The following UBE2D3 variants were observed in gnomAD, a reference collection of about 807,000 sequenced individuals.
The protein encoded by UBE2D3 is ubiquitin-conjugating enzyme E2 D3.
Under a neutral mutation model 22.8 loss-of-function variants are expected in UBE2D3, and 2 were observed. The ratio of observed to expected loss-of-function variants is 0.09; its 90% CI spans 0.04 to 0.28. The LOEUF is 0.28. Among genes scored for constraint, UBE2D3 ranks in the 10% least tolerant of loss-of-function variants. UBE2D3 has a pLI of 1.00. For synonymous variants in UBE2D3, 56 were observed against 60.4 expected (o/e 0.93, Z 0.34); for missense variants, 27 against 182.5 (o/e 0.15, Z 4.91).
chr4:102,841,770 T>C (rs1325010399), intron 1 of UBE2D3, among the ~76,000 whole-genome samples: 1 of 152,166 alleles, frequency 6.6e-6, no homozygotes. Flanking sequence ...ACAGGATCAG[T>C]GATTATTACC....
At chr4:102,820,455 G>A (rs546016305) in intron 2 of UBE2D3, among the ~76,000 whole-genome samples, 15 of 152,282 alleles carry the variant, frequency 9.9e-5, no homozygotes, top group African/African-American at 3.6e-4. Context: ...AGTAGGCACT[G>A]CACAGTATCT....
intron 2 of UBE2D3, among the ~76,000 whole-genome samples, chr4:102,815,190 T>C (rs895840879): frequency 2.0e-5 from 3 of 151,954 alleles, no homozygotes; most frequent in African/African-American, 7.2e-5. Flanking sequence ...ACTAGAGATG[T>C]GCGCCACCAC....
chr4:102,838,138 G>A (rs1441315613), intron 1 of UBE2D3, among the ~76,000 whole-genome samples: 1 of 152,044 alleles, frequency 6.6e-6, no homozygotes, highest in African/African-American at 2.4e-5. Context: ...GTGTACACTT[G>A]TTTTAGACAT....
At chr4:102,800,800 T>A (rs1726038429) in intron 6 of UBE2D3, among the ~76,000 whole-genome samples, 1 of 152,082 alleles carries the variant, frequency 6.6e-6, no homozygotes. Context: ...TTGTACTTAC[T>A]GAACTCATAA....
chr4:102,809,485 G>T, intron 4 of UBE2D3, 187 bp downstream of exon 4: 1 of 645,274 alleles, frequency 1.5e-6, no homozygotes, highest in Non-Finnish European at 2.6e-6. Context: ...CACAGGGATA[G>T]ACACAAAGTA....
chr4:102,802,779 T>G lies in UBE2D3; in HGVS notation c.121-141A>C, dbSNP rs554101975. On this transcript the variant is annotated intron_variant, in intron 4 of 7. Transcript: ENST00000453744. The stretch of plus-strand genomic sequence containing the variant: ...AATAAATAATCTATTCCATGAAAAT[T>G]CAGTCTATAGTAATAGAAAAAAACT... 5 of 545,942 alleles carry G rather than the reference T, an allele frequency of 9.2e-6. No homozygotes were observed. The Admixed American group carries it at 1.1e-4, about 12-fold the overall frequency. 33.8% of individuals were successfully genotyped at this position (545,942 alleles called of 1,614,324 possible).
chr4:102,805,612 A>G (rs1390090707), intron 4 of UBE2D3, among the ~76,000 whole-genome samples: 1 of 151,912 alleles, frequency 6.6e-6, no homozygotes, highest in Non-Finnish European at 1.5e-5. Context: ...CTCAGCCTCC[A>G]AAGAAGCTGG....
chr4:102,812,108 G>A, intron 2 of UBE2D3: 2 of 163,438 alleles, frequency 1.2e-5, no homozygotes, highest in South Asian at 2.7e-4. Context: ...TCTCAGAAGG[G>A]TGCAGGGAAT....
At chr4:102,799,296 T>C (rs1300968025) in intron 7 of UBE2D3, 111 bp downstream of exon 7, 13 of 846,154 alleles carry the variant, frequency 1.5e-5, no homozygotes, top group Non-Finnish European at 2.2e-5. Context: ...TTCTCCATAT[T>C]TTAACTATTA....
chr4:102,829,497 A>G (rs189240571), upstream of UBE2D3, among the ~76,000 whole-genome samples: 649 of 152,328 alleles, frequency 4.3e-3, 3 homozygotes, highest in African/African-American at 0.015. Context: ...CTTCACCGCT[A>G]AAGTAAGTAA....
chr4:102,858,975 T>C (rs1371671116), intron 1 of UBE2D3, among the ~76,000 whole-genome samples: 1 of 152,012 alleles, frequency 6.6e-6, no homozygotes, highest in Non-Finnish European at 1.5e-5. Context: ...TGTAACTCTA[T>C]ACTTCCCTTT....
chr4:102,863,809 T>C (rs185499105), intron 1 of UBE2D3, among the ~76,000 whole-genome samples: 11 of 152,280 alleles, frequency 7.2e-5, no homozygotes, highest in East Asian at 5.8e-4. Flanking sequence ...CAAATTTCAA[T>C]ATGAGACTTG....
chr4:102,805,428 TCTCATCAGTGCA>T (rs1726873630), intron 4 of UBE2D3, among the ~76,000 whole-genome samples: 1 of 151,942 alleles, frequency 6.6e-6, no homozygotes, highest in African/African-American at 2.4e-5. Flanking sequence ...CTTCTTTTGC[TCTCATCAGTGCA>T]AAGTTGCTCC....
intron 1 of UBE2D3, chr4:102,827,200 C>A: frequency 1.0e-6 from 1 of 986,412 alleles, no homozygotes; most frequent in Middle Eastern, 5.2e-4. Flanking sequence ...CCACCTCCAC[C>A]ACGCGCCCGC....
intron 1 of UBE2D3, among the ~76,000 whole-genome samples, chr4:102,852,450 A>C (rs112764920): frequency 2.0e-5 from 3 of 152,368 alleles, no homozygotes; most frequent in African/African-American, 7.2e-5. Context: ...AAATATAAAT[A>C]TCCATATGTG....
At chr4:102,841,682 C>G (rs1731764626) in intron 1 of UBE2D3, among the ~76,000 whole-genome samples, 1 of 152,108 alleles carries the variant, frequency 6.6e-6, no homozygotes, top group Non-Finnish European at 1.5e-5. Flanking sequence ...TTATTGAGGG[C>G]CTACAAGGTC....
At chr4:102,803,415 G>A (rs1726513455) in intron 4 of UBE2D3, among the ~76,000 whole-genome samples, 1 of 152,166 alleles carries the variant, frequency 6.6e-6, no homozygotes, top group East Asian at 1.9e-4. Flanking sequence ...CCCTCTATTA[G>A]AAAGGCTTTG....
intron 2 of UBE2D3, among the ~76,000 whole-genome samples, chr4:102,813,377 T>G (rs1728336434): frequency 6.6e-6 from 1 of 152,232 alleles, no homozygotes; most frequent in Non-Finnish European, 1.5e-5. Context: ...AATGTACATT[T>G]TTAATTGTAA....
intron 2 of UBE2D3, among the ~76,000 whole-genome samples, chr4:102,814,417 T>C (rs1005007648): frequency 2.0e-5 from 3 of 151,020 alleles, no homozygotes; most frequent in Admixed American, 6.6e-5. Context: ...GCCTCCTGAG[T>C]AGCTGGAATT....
Sources: gnomAD v4.1 joint callset for allele counts (sites outside exome capture counted in the v4.1 genomes callset) on GRCh38, gnomAD v4.1.1 for gene constraint, MANE v1.5 for transcripts, NCBI Gene and HGNC (gene_info 2026-07-23, HGNC 2026-07-21) for gene names.